OPCML: variants seen among roughly 807,000 people sequenced by gnomAD.
OPCML encodes the protein opioid binding protein/cell adhesion molecule like.
OPCML carries 13 observed loss-of-function variants against 37.8 expected under a neutral mutation model. The observed-to-expected ratio is 0.34, with a 90% confidence interval of 0.22 to 0.55. The LOEUF is 0.55. Ranked by LOEUF, OPCML falls within the 20% of genes least tolerant of loss-of-function variation. The probability of loss-of-function intolerance (pLI) is 0.91; values close to 1 mark genes in which losing one functional copy is unlikely to be tolerated. For missense variants in OPCML, 341 were observed against 435.6 expected (o/e 0.78, Z 1.93); for synonymous variants, 176 against 168.8 (o/e 1.04, Z -0.33).
At chr11:132,722,256 A>ATTT (rs34373769) in intron 2 of OPCML, among the ~76,000 whole-genome samples, 48 of 147,610 alleles carry the variant, frequency 3.3e-4, no homozygotes, top group African/African-American at 1.1e-3. Context: ...CGTCCGGCCT[A>ATTT]TTTTTTTTTT....
intron 4 of OPCML, among the ~76,000 whole-genome samples, chr11:132,521,099 T>C (rs1009218309): frequency 6.6e-6 from 1 of 152,168 alleles, no homozygotes; most frequent in Admixed American, 6.5e-5. Context: ...GGTATCTCAT[T>C]GTGATTTTGA....
At chr11:132,989,631 G>A (rs947261397) in intron 1 of OPCML, among the ~76,000 whole-genome samples, 4 of 143,342 alleles carry the variant, frequency 2.8e-5, no homozygotes, top group African/African-American at 1.1e-4. Context: ...GTGTGTGTGT[G>A]TGTGTGTGTG....
chr11:133,458,328 A>G (rs866334953), intron 1 of OPCML, among the ~76,000 whole-genome samples: 1 of 19,174 alleles, frequency 5.2e-5, no homozygotes, highest in Admixed American at 5.3e-4. Context: ...ACGTGTGTGT[A>G]TATATATACA....
intron 1 of OPCML, among the ~76,000 whole-genome samples, chr11:133,196,921 T>C (rs1938558545): frequency 6.6e-6 from 1 of 152,190 alleles, no homozygotes; most frequent in Admixed American, 6.5e-5. Context: ...TGTGTACAAT[T>C]TGACATTACT....
At chr11:133,054,144 C>A (rs1948179740) in intron 1 of OPCML, among the ~76,000 whole-genome samples, 1 of 152,156 alleles carries the variant, frequency 6.6e-6, no homozygotes, top group Non-Finnish European at 1.5e-5. Flanking sequence ...CCCCACCTTT[C>A]CCACCTGAGT....
chr11:133,083,689 G>C (rs1349803382), intron 1 of OPCML, among the ~76,000 whole-genome samples: 3 of 152,214 alleles, frequency 2.0e-5, no homozygotes, highest in African/African-American at 7.2e-5. Context: ...TATTCCTTTG[G>C]AACACGGCCT....
chr11:133,233,972 C>G (rs1940403257), intron 1 of OPCML, among the ~76,000 whole-genome samples: 5 of 152,156 alleles, frequency 3.3e-5, no homozygotes, highest in Admixed American at 3.3e-4. Flanking sequence ...CAATCTCTAA[C>G]TTGCTCACTG....
intron 1 of OPCML, among the ~76,000 whole-genome samples, chr11:133,106,298 G>A (rs1299029029): frequency 2.0e-5 from 3 of 152,164 alleles, no homozygotes; most frequent in Non-Finnish European, 4.4e-5. Context: ...CTGTCCATTT[G>A]GGCCTGCAGG....
intron 1 of OPCML, chr11:133,301,529 A>G (rs1418397721): frequency 6.6e-6 from 1 of 152,172 alleles, no homozygotes; most frequent in Non-Finnish European, 1.5e-5. Flanking sequence ...GATAACATTG[A>G]GAGCTTTTGT....
chr11:132,967,802 T>C (rs1342160262), intron 1 of OPCML, among the ~76,000 whole-genome samples: 2 of 152,184 alleles, frequency 1.3e-5, no homozygotes, highest in Non-Finnish European at 2.9e-5. Context: ...TATGCTGCAG[T>C]ATTTCTTGTA....
chr11:132,906,265 C>T (rs1241843320), intron 2 of OPCML, among the ~76,000 whole-genome samples: 3 of 152,202 alleles, frequency 2.0e-5, no homozygotes, highest in Admixed American at 6.5e-5. Flanking sequence ...CATCAGAATG[C>T]TTTACAATAA....
intron 3 of OPCML, among the ~76,000 whole-genome samples, chr11:132,555,327 G>A (rs1314458592): frequency 6.6e-6 from 1 of 152,098 alleles, no homozygotes; most frequent in East Asian, 1.9e-4. Flanking sequence ...ATCTTACACG[G>A]CAGCAGGTGA....
chr11:133,366,973 C>T (rs1041656500), intron 1 of OPCML, among the ~76,000 whole-genome samples: 3 of 152,074 alleles, frequency 2.0e-5, no homozygotes, highest in African/African-American at 7.2e-5. Flanking sequence ...ATCCAATCAT[C>T]GAATGCACTT....
At chr11:132,869,547 G>A (rs1391962089) in intron 2 of OPCML, among the ~76,000 whole-genome samples, 1 of 152,086 alleles carries the variant, frequency 6.6e-6, no homozygotes, top group African/African-American at 2.4e-5. Context: ...ATGAAATAAT[G>A]AACCTTTTTT....
intron 3 of OPCML, among the ~76,000 whole-genome samples, chr11:132,560,808 G>A (rs1288304950): frequency 6.6e-6 from 1 of 152,056 alleles, no homozygotes; most frequent in African/African-American, 2.4e-5. Flanking sequence ...GTACATTCTG[G>A]TTGTTAGTTG....
intron 4 of OPCML, among the ~76,000 whole-genome samples, chr11:132,523,960 C>G (rs2096301156): frequency 6.6e-6 from 1 of 152,152 alleles, no homozygotes; most frequent in Non-Finnish European, 1.5e-5. Flanking sequence ...GAGTTGTCAT[C>G]TTAAAATCTC....
At chr11:132,527,667 C>T (rs898260875) in intron 4 of OPCML, among the ~76,000 whole-genome samples, 2 of 152,062 alleles carry the variant, frequency 1.3e-5, no homozygotes, top group Admixed American at 6.6e-5. Context: ...TCTGTGTCTC[C>T]ACCGAAGGTT....
chr11:133,518,053 A>G (rs1237151035), intron 1 of OPCML, among the ~76,000 whole-genome samples: 1 of 152,162 alleles, frequency 6.6e-6, no homozygotes, highest in East Asian at 1.9e-4. Context: ...ACAGCCTCCA[A>G]AAGACCCCTC....
intron 1 of OPCML, chr11:133,418,441 A>G (rs188087673): frequency 1.0e-6 from 1 of 985,400 alleles, no homozygotes; most frequent in East Asian, 1.1e-4. Context: ...AGGGAGTCTT[A>G]AATGACTTTG....
Sources: gnomAD v4.1 joint callset for allele counts (sites outside exome capture counted in the v4.1 genomes callset) on GRCh38, gnomAD v4.1.1 for gene constraint, MANE v1.5 for transcripts, NCBI Gene and HGNC (gene_info 2026-07-23, HGNC 2026-07-21) for gene names.